Variants in SLC24A3 observed in about 807,000 individuals in gnomAD.
The protein encoded by SLC24A3 is sodium/potassium/calcium exchanger 3.
SLC24A3 carries 28 observed loss-of-function variants against 75.8 expected under a neutral mutation model. The ratio of observed to expected loss-of-function variants is 0.37; its 90% CI spans 0.27 to 0.51. The LOEUF (loss-of-function observed/expected upper bound fraction) is 0.51, where lower values mean the gene tolerates loss of function less well. Ranked by LOEUF, SLC24A3 falls within the 20% of genes least tolerant of loss-of-function variation. The pLI is 0.94. For synonymous variants in SLC24A3, 372 were observed against 334.1 expected, an observed-to-expected ratio of 1.11 and a Z score of -1.24; for missense variants, 663 against 847.8, an observed-to-expected ratio of 0.78 and a Z score of 2.71.
intron 3 of SLC24A3, among the ~76,000 whole-genome samples, chr20:19,564,830 AG>A (rs1251528682): frequency 6.6e-6 from 1 of 152,220 alleles, no homozygotes; most frequent in African/African-American, 2.4e-5. Flanking sequence ...GATGTTATGT[AG>A]GTATCAATTC....
At chr20:19,695,728 A>G (rs2032797312) in intron 13 of SLC24A3, 1 of 152,136 alleles carries the variant, frequency 6.6e-6, no homozygotes, top group Non-Finnish European at 1.5e-5. Flanking sequence ...GTCTCCAGGG[A>G]GGAAATTGAG....
chr20:19,378,659 A>G (rs186306696), intron 2 of SLC24A3, among the ~76,000 whole-genome samples: 5 of 152,262 alleles, frequency 3.3e-5, no homozygotes, highest in Admixed American at 2.0e-4. Flanking sequence ...AGATGAATGC[A>G]CGTGATCAAG....
intron 2 of SLC24A3, among the ~76,000 whole-genome samples, chr20:19,337,851 T>A (rs2122302883): frequency 6.6e-6 from 1 of 152,226 alleles, no homozygotes; most frequent in South Asian, 2.1e-4. Flanking sequence ...TGTCTTGTGG[T>A]TGGCTGGCTT....
At chr20:19,315,963 A>G (rs1331016808) in intron 2 of SLC24A3, among the ~76,000 whole-genome samples, 1 of 152,208 alleles carries the variant, frequency 6.6e-6, no homozygotes, top group African/African-American at 2.4e-5. Flanking sequence ...GTTAGCCAGA[A>G]TCATCTAACA....
intron 2 of SLC24A3, among the ~76,000 whole-genome samples, chr20:19,483,261 A>G (rs570918048): frequency 6.6e-6 from 1 of 152,316 alleles, no homozygotes; most frequent in Admixed American, 6.5e-5. Flanking sequence ...GGAAGTTGAT[A>G]CTAACTAACA....
intron 1 of SLC24A3, among the ~76,000 whole-genome samples, chr20:19,231,948 C>G (rs990408461): frequency 4.6e-5 from 7 of 152,178 alleles, no homozygotes; most frequent in Non-Finnish European, 1.5e-5. Context: ...ATGTCAGCTC[C>G]CTAAGAGCAG....
chr20:19,434,748 CT>C (rs898507946), intron 2 of SLC24A3, among the ~76,000 whole-genome samples: 245 of 141,204 alleles, frequency 1.7e-3, no homozygotes, highest in East Asian at 3.1e-3. Flanking sequence ...AGATAGGATG[CT>C]TTTTTTTTTT....
chr20:19,552,582 T>C (rs1286344346), intron 3 of SLC24A3, among the ~76,000 whole-genome samples: 1 of 152,234 alleles, frequency 6.6e-6, no homozygotes, highest in African/African-American at 2.4e-5. Flanking sequence ...GTTTGCCAGC[T>C]GGGTCTCTGG....
At chr20:19,215,133 T>A (rs1182752952) in intron 1 of SLC24A3, among the ~76,000 whole-genome samples, 1 of 152,212 alleles carries the variant, frequency 6.6e-6, no homozygotes, top group Non-Finnish European at 1.5e-5. Flanking sequence ...AATTAATGTG[T>A]GTGAATCTGC....
chr20:19,215,850 G>T (rs1413156771), intron 1 of SLC24A3, among the ~76,000 whole-genome samples: 1 of 152,152 alleles, frequency 6.6e-6, no homozygotes, highest in Non-Finnish European at 1.5e-5. Context: ...TTCAGTATTT[G>T]GTTATATGCA....
At chr20:19,293,096 A>C (rs1220925982) in intron 2 of SLC24A3, among the ~76,000 whole-genome samples, 1 of 152,126 alleles carries the variant, frequency 6.6e-6, no homozygotes, top group Non-Finnish European at 1.5e-5. Context: ...GCACCCTTGC[A>C]TCCGTAGGAC....
intron 6 of SLC24A3, among the ~76,000 whole-genome samples, chr20:19,603,963 A>G (rs1373194394): frequency 6.6e-6 from 1 of 152,164 alleles, no homozygotes; most frequent in Admixed American, 6.5e-5. Context: ...CAAGGCTCCC[A>G]TGCTACTACA....
chr20:19,479,827 A>C (rs149159945), intron 2 of SLC24A3, among the ~76,000 whole-genome samples: 150 of 152,348 alleles, frequency 9.8e-4, no homozygotes, highest in Middle Eastern at 6.8e-3. Flanking sequence ...CACTTGCATG[A>C]GGACCATGAA....
chr20:19,600,246 G>C (rs1163911900), intron 6 of SLC24A3, among the ~76,000 whole-genome samples: 1 of 152,102 alleles, frequency 6.6e-6, no homozygotes, highest in African/African-American at 2.4e-5. Context: ...CCATTAGGAG[G>C]CGCCATTTCT....
At chr20:19,444,927 T>C (rs1346171408) in intron 2 of SLC24A3, among the ~76,000 whole-genome samples, 1 of 152,280 alleles carries the variant, frequency 6.6e-6, no homozygotes, top group East Asian at 1.9e-4. Flanking sequence ...GATGCTTAGG[T>C]TATTGATTTT....
chr20:19,225,289 G>A (rs1325699534), intron 1 of SLC24A3, among the ~76,000 whole-genome samples: 1 of 152,168 alleles, frequency 6.6e-6, no homozygotes, highest in Non-Finnish European at 1.5e-5. Flanking sequence ...CCCAGGCTTT[G>A]TAAACGTGAT....
intron 5 of SLC24A3, 92 bp from the exon 6 acceptor site, chr20:19,585,349 G>A: frequency 2.5e-6 from 3 of 1,219,092 alleles, no homozygotes; most frequent in East Asian, 2.3e-5. Context: ...TAGATTCTGA[G>A]AACAATCTAA....
At position 19,685,084 on chromosome 20, in the gene SLC24A3, G is replaced by T. The variant is rs113899673; in HGVS notation, c.1063-16G>T. 6 of 1,591,584 alleles carry T rather than the reference G, an allele frequency of 3.8e-6. No homozygotes were observed. The highest frequency in any genetic ancestry group is 1.7e-4 in the Middle Eastern group (1 of 5,856). On this transcript the variant is annotated splice_polypyrimidine_tract_variant and intron_variant, in intron 11 of 16. Transcript: ENST00000328041. Reference sequence around the variant, plus strand: ...ATCCCTCTGACCGTGGTAAGAGTGCGCCTTTCTCTTTCCAGAGACAAAGAT... The same window carrying T: ...ATCCCTCTGACCGTGGTAAGAGTGCTCCTTTCTCTTTCCAGAGACAAAGAT...
intron 6 of SLC24A3, among the ~76,000 whole-genome samples, chr20:19,632,562 C>T (rs2031947450): frequency 6.6e-6 from 1 of 152,178 alleles, no homozygotes; most frequent in Admixed American, 6.5e-5. Context: ...CCAGGCTAAC[C>T]TCTCTATCCC....
Sources: allele counts gnomAD v4.1 joint callset (sites outside exome capture counted in the v4.1 genomes callset), GRCh38; gene constraint gnomAD v4.1.1; transcripts MANE v1.5; gene names NCBI Gene and HGNC (gene_info 2026-07-23, HGNC 2026-07-21).